The following PAK5 variants were observed in gnomAD, a reference collection of about 807,000 sequenced individuals.
The protein encoded by PAK5 is serine/threonine-protein kinase PAK 5.
In PAK5, 16 loss-of-function variants were observed where a neutral mutation model predicts 65.9. The observed-to-expected ratio is 0.24, with a 90% CI of 0.16 to 0.37. The LOEUF (loss-of-function observed/expected upper bound fraction) is 0.37. PAK5 is among the 10% of genes least tolerant of loss of function. PAK5 has a pLI of 1.00. For synonymous variants in PAK5, 371 were observed against 354.9 expected (o/e 1.05, Z -0.51); for missense variants, 785 against 903.9 (o/e 0.87, Z 1.69).
At chr20:9,672,168 C>T (rs936404353) in intron 2 of PAK5, among the ~76,000 whole-genome samples, 21 of 151,658 alleles carry the variant, frequency 1.4e-4, no homozygotes, top group East Asian at 5.8e-4. Flanking sequence ...TAGGAACTAA[C>T]GCATCAATTT....
At chr20:9,776,547 A>G (rs1360020871) in intron 1 of PAK5, among the ~76,000 whole-genome samples, 1 of 152,230 alleles carries the variant, frequency 6.6e-6, no homozygotes, top group Non-Finnish European at 1.5e-5. Flanking sequence ...TACAAACAGA[A>G]TAAGTCAGAA....
chr20:9,734,487 T>A (rs1274318291), intron 1 of PAK5, among the ~76,000 whole-genome samples: 1 of 151,650 alleles, frequency 6.6e-6, no homozygotes, highest in Non-Finnish European at 1.5e-5. Context: ...AAGAGAAATA[T>A]GTACACAGAA....
intron 1 of PAK5, among the ~76,000 whole-genome samples, chr20:9,769,452 T>A (rs2048809225): frequency 6.6e-6 from 1 of 152,250 alleles, no homozygotes; most frequent in Admixed American, 6.5e-5. Context: ...ATGCTAAAAA[T>A]ACTTCTTTGC....
intron 3 of PAK5, among the ~76,000 whole-genome samples, chr20:9,593,704 C>T (rs993608700): frequency 3.9e-5 from 6 of 152,108 alleles, no homozygotes; most frequent in East Asian, 3.9e-4. Context: ...CCTTTTGCAC[C>T]GCAGAAACGC....
At chr20:9,575,221 G>A (rs570320881) in intron 4 of PAK5, among the ~76,000 whole-genome samples, 1 of 151,680 alleles carries the variant, frequency 6.6e-6, no homozygotes, top group Admixed American at 6.6e-5. Context: ...TTTAGACAGG[G>A]TCTCACTCTG....
At chr20:9,556,314 G>T (rs974529618) in intron 7 of PAK5, among the ~76,000 whole-genome samples, 1 of 152,232 alleles carries the variant, frequency 6.6e-6, no homozygotes, top group South Asian at 2.1e-4. Context: ...AGTGATCTTT[G>T]TCTTATCCTC....
intron 1 of PAK5, among the ~76,000 whole-genome samples, chr20:9,724,226 T>C (rs2048250269): frequency 6.6e-6 from 1 of 152,182 alleles, no homozygotes; most frequent in Non-Finnish European, 1.5e-5. Context: ...TTTATTTATG[T>C]TTTTAGTACC....
At chr20:9,766,910 GTT>G (rs34227748) in intron 1 of PAK5, among the ~76,000 whole-genome samples, 70,224 of 149,416 alleles carry the variant, frequency 0.47, 16,620 homozygotes, top group East Asian at 0.78. Context: ...TCATTAAAAT[GTT>G]TTTTTTTTTA....
intron 1 of PAK5, among the ~76,000 whole-genome samples, chr20:9,749,887 A>G (rs1186553553): frequency 6.6e-6 from 1 of 152,170 alleles, no homozygotes; most frequent in Non-Finnish European, 1.5e-5. Flanking sequence ...GCTGACCAGT[A>G]ACACTCAGTT....
chr20:9,794,618 C>A (rs1004672728), intron 1 of PAK5, among the ~76,000 whole-genome samples: 5 of 152,004 alleles, frequency 3.3e-5, no homozygotes, highest in Admixed American at 2.6e-4. Context: ...CAATAGCATC[C>A]AACATGTGAC....
chr20:9,756,885 G>A (rs1388891254), intron 1 of PAK5, among the ~76,000 whole-genome samples: 1 of 152,158 alleles, frequency 6.6e-6, no homozygotes, highest in African/African-American at 2.4e-5. Flanking sequence ...CCTAGCCCTA[G>A]TGCAGGGAAA....
At chr20:9,819,012 A>T (rs2123768326) in intron 1 of PAK5, among the ~76,000 whole-genome samples, 1 of 152,302 alleles carries the variant, frequency 6.6e-6, no homozygotes, top group Admixed American at 6.5e-5. Flanking sequence ...ATACCAAATC[A>T]CTTAAATCAC....
At chr20:9,770,147 G>A (rs1161292520) in intron 1 of PAK5, among the ~76,000 whole-genome samples, 1 of 152,136 alleles carries the variant, frequency 6.6e-6, no homozygotes, top group Non-Finnish European at 1.5e-5. Flanking sequence ...ATGTCCTTGG[G>A]CAGGCGAAAG....
At chr20:9,774,977 CA>C (rs1325843770) in intron 1 of PAK5, among the ~76,000 whole-genome samples, 1 of 151,858 alleles carries the variant, frequency 6.6e-6, no homozygotes, top group East Asian at 1.9e-4. Context: ...AACGAACAAA[CA>C]AAAAACTACT....
At chr20:9,595,544 T>G (rs2046248657) in intron 3 of PAK5, among the ~76,000 whole-genome samples, 1 of 152,202 alleles carries the variant, frequency 6.6e-6, no homozygotes, top group South Asian at 2.1e-4. Context: ...CTTAGTTATA[T>G]CTTAGATAAA....
chr20:9,827,656 G>C (rs531207173), intron 1 of PAK5, among the ~76,000 whole-genome samples: 2 of 152,270 alleles, frequency 1.3e-5, no homozygotes, highest in East Asian at 1.9e-4. Context: ...TAGCTGTATA[G>C]AAAGTTTTCA....
At chr20:9,547,633 A>G (rs544465049) in intron 7 of PAK5, among the ~76,000 whole-genome samples, 53 of 152,288 alleles carry the variant, frequency 3.5e-4, no homozygotes, top group African/African-American at 1.2e-3. Flanking sequence ...GGGAGTTCCC[A>G]GAGTGGTAGA....
chr20:9,580,057 T>C (rs1456322860), intron 4 of PAK5, 88 bp downstream of exon 4: 1 of 1,172,562 alleles, frequency 8.5e-7, no homozygotes, highest in Non-Finnish European at 1.2e-6. Flanking sequence ...ACAAGTACTT[T>C]ACAATCCAAT....
chr20:9,541,347 T>A (rs1197202052), intron 9 of PAK5, among the ~76,000 whole-genome samples: 1 of 152,128 alleles, frequency 6.6e-6, no homozygotes, highest in Non-Finnish European at 1.5e-5. Flanking sequence ...CAGTGGTGAT[T>A]CTTGGATGAA....
Sources: allele counts gnomAD v4.1 joint callset (sites outside exome capture counted in the v4.1 genomes callset), GRCh38; gene constraint gnomAD v4.1.1; transcripts MANE v1.5; gene names NCBI Gene and HGNC (gene_info 2026-07-23, HGNC 2026-07-21).